Variants in LHPP observed in about 807,000 individuals in gnomAD.
LHPP encodes phospholysine phosphohistidine inorganic pyrophosphate phosphatase, also known as hLHPP.
In LHPP, 24 loss-of-function variants were observed where a neutral mutation model predicts 30.3. The observed-to-expected ratio is 0.79, with a 90% CI of 0.57 to 1.11. The LOEUF (loss-of-function observed/expected upper bound fraction) is 1.11. LHPP is among the 50% of genes most tolerant of loss of function. The probability of loss-of-function intolerance (pLI) is 0.00; values close to 1 mark genes in which losing one functional copy is unlikely to be tolerated. For missense variants in LHPP, 356 were observed against 367.2 expected (o/e 0.97, Z 0.25); for synonymous variants, 150 against 157.1 (o/e 0.95, Z 0.34).
chr10:124,562,041 T>C (rs1326451021), intron 6 of LHPP, among the ~76,000 whole-genome samples: 1 of 152,210 alleles, frequency 6.6e-6, no homozygotes, highest in Admixed American at 6.5e-5. Context: ...GTACGGTGGC[T>C]CATGCCTGTG....
At chr10:124,474,995 T>G (rs1394579543) in intron 1 of LHPP, among the ~76,000 whole-genome samples, 1 of 150,194 alleles carries the variant, frequency 6.7e-6, no homozygotes, top group Non-Finnish European at 1.5e-5. Flanking sequence ...CTGCCATTTA[T>G]TTAGTATTTG....
chr10:124,505,205 G>C (rs117407012), intron 5 of LHPP, among the ~76,000 whole-genome samples: 1 of 152,288 alleles, frequency 6.6e-6, no homozygotes, highest in East Asian at 1.9e-4. Flanking sequence ...CTCTCAGGAT[G>C]TGTAGACATT....
intron 1 of LHPP, among the ~76,000 whole-genome samples, chr10:124,476,857 G>A (rs566537676): frequency 2.0e-5 from 3 of 152,152 alleles, no homozygotes; most frequent in Non-Finnish European, 2.9e-5. Flanking sequence ...AAAGGGGAGC[G>A]ACTGAAGATC....
intron 6 of LHPP, among the ~76,000 whole-genome samples, chr10:124,581,641 A>G (rs906818380): frequency 6.6e-6 from 1 of 152,146 alleles, no homozygotes; most frequent in East Asian, 1.9e-4. Context: ...TTGGTTTGCA[A>G]TTCCCTACAA....
intron 6 of LHPP, among the ~76,000 whole-genome samples, chr10:124,607,845 G>A (rs1317229484): frequency 1.3e-5 from 2 of 152,198 alleles, no homozygotes; most frequent in African/African-American, 4.8e-5. Context: ...CGTCAGACCC[G>A]GGCCGCGGCC....
intron 6 of LHPP, among the ~76,000 whole-genome samples, chr10:124,544,950 T>C (rs1051075873): frequency 6.6e-6 from 1 of 152,160 alleles, no homozygotes; most frequent in Admixed American, 6.5e-5. Context: ...TGGGCTTCCT[T>C]TCTCGGCTTG....
intron 5 of LHPP, among the ~76,000 whole-genome samples, chr10:124,500,444 C>A (rs925055411): frequency 3.3e-5 from 5 of 151,914 alleles, no homozygotes; most frequent in Non-Finnish European, 7.4e-5. Context: ...TGCATTCCAG[C>A]CTGGGCGACA....
intron 6 of LHPP, among the ~76,000 whole-genome samples, chr10:124,524,099 G>A (rs1954672626): frequency 6.6e-6 from 1 of 152,062 alleles, no homozygotes; most frequent in South Asian, 2.1e-4. Flanking sequence ...GTATAACTCA[G>A]TGGTTTTCAT....
chr10:124,553,435 G>A (rs1193913926), intron 6 of LHPP, among the ~76,000 whole-genome samples: 2 of 148,194 alleles, frequency 1.3e-5, no homozygotes, highest in African/African-American at 5.0e-5. Flanking sequence ...CATAGGGCCA[G>A]GATTACAGCC....
intron 2 of LHPP, among the ~76,000 whole-genome samples, chr10:124,488,186 G>A (rs1334301734): frequency 6.6e-6 from 1 of 152,146 alleles, no homozygotes; most frequent in African/African-American, 2.4e-5. Context: ...TGGGATGGAG[G>A]GTCCTGGGTG....
chr10:124,469,055 C>T (rs1564765212), intron 1 of LHPP, among the ~76,000 whole-genome samples: 1 of 152,356 alleles, frequency 6.6e-6, no homozygotes, highest in East Asian at 1.9e-4. Flanking sequence ...GTGTGGCCTG[C>T]AGCCACGGGG....
intron 5 of LHPP, among the ~76,000 whole-genome samples, chr10:124,501,703 G>A (rs1253016859): frequency 2.0e-5 from 3 of 151,592 alleles, no homozygotes; most frequent in Non-Finnish European, 1.5e-5. Context: ...GAATACTCTG[G>A]TCACGGTCAT....
intron 5 of LHPP, among the ~76,000 whole-genome samples, chr10:124,501,679 G>A (rs925664340): frequency 5.3e-5 from 8 of 151,158 alleles, no homozygotes; most frequent in South Asian, 2.1e-4. Flanking sequence ...GAATGTGCTC[G>A]ATGCCAGTGA....
At chr10:124,597,763 T>TG (rs1362652536) in intron 6 of LHPP, among the ~76,000 whole-genome samples, 1 of 151,816 alleles carries the variant, frequency 6.6e-6, no homozygotes, top group African/African-American at 2.4e-5. Context: ...TGCCCCTGGG[T>TG]GGGGGGTGCA....
intron 6 of LHPP, among the ~76,000 whole-genome samples, chr10:124,547,572 G>C (rs1272436928): frequency 6.6e-6 from 1 of 152,238 alleles, no homozygotes; most frequent in Non-Finnish European, 1.5e-5. Flanking sequence ...GCCATGCTGG[G>C]GGAGTGAAAG....
At position 124,593,100 on chromosome 10, in the gene LHPP, G is replaced by A. The variant is rs553650208; in HGVS notation, c.717-20164G>A. The stretch of plus-strand genomic sequence containing the variant: ...AGGGTGCTGCCCTCCCCACTGGCCC[G>A]CTCTGGGTCCCTGTGCTATGCCTCA... On this transcript the variant is annotated intron_variant, in intron 6 of 6. Coordinates refer to ENST00000368842, the MANE Select transcript of LHPP (RefSeq NM_022126.4). The surrounding 1 kb of genome is among the most constrained non-coding windows in gnomAD (Gnocchi z 4.9). 7.6e-4 allele frequency among the ~76,000 whole-genome samples: 116 copies of A among 152,310 alleles called. No homozygotes were observed. The highest frequency in any genetic ancestry group is 1.3e-3 in the Non-Finnish European group (87 of 68,012).
intron 6 of LHPP, among the ~76,000 whole-genome samples, chr10:124,597,579 TG>T (rs1246282619): frequency 6.6e-6 from 1 of 152,208 alleles, no homozygotes; most frequent in African/African-American, 2.4e-5. Context: ...CAGAGCACTG[TG>T]GGAGGACTGG....
At chr10:124,565,384 C>T (rs1421361836) in intron 6 of LHPP, among the ~76,000 whole-genome samples, 4 of 152,148 alleles carry the variant, frequency 2.6e-5, no homozygotes, top group South Asian at 2.1e-4. Flanking sequence ...TCAGGCTCTC[C>T]GTGCAGGCCA....
intron 6 of LHPP, among the ~76,000 whole-genome samples, chr10:124,563,353 A>G (rs1246040004): frequency 6.7e-6 from 1 of 149,402 alleles, no homozygotes; most frequent in Non-Finnish European, 1.5e-5. Context: ...TCCTGCAGAA[A>G]AAAGAAACAA....
Sources: gnomAD v4.1 joint callset for allele counts (sites outside exome capture counted in the v4.1 genomes callset) on GRCh38, gnomAD v4.1.1 for gene constraint, Gnocchi (gnomAD v3.1) non-coding constraint, MANE v1.5 for transcripts, NCBI Gene and HGNC (gene_info 2026-07-23, HGNC 2026-07-21) for gene names.